NKAIN2: variants seen among roughly 807,000 people sequenced by gnomAD.
NKAIN2 encodes sodium/potassium transporting ATPase interacting 2, also known as sodium/potassium-transporting ATPase subunit beta-1-interacting protein 2.
Under a neutral mutation model 32.6 loss-of-function variants are expected in NKAIN2, and 14 were observed. The ratio of observed to expected loss-of-function variants is 0.43; its 90% CI spans 0.28 to 0.67. The LOEUF is 0.67. NKAIN2 is among the 30% of genes least tolerant of loss of function. The pLI, the probability that NKAIN2 is intolerant of heterozygous loss-of-function variation, is 0.17. For missense variants in NKAIN2, 198 were observed against 258.3 expected, an observed-to-expected ratio of 0.77 and a Z score of 1.60; for synonymous variants, 80 against 87.2, an observed-to-expected ratio of 0.92 and a Z score of 0.46.
intron 6 of NKAIN2, among the ~76,000 whole-genome samples, chr6:124,819,709 T>A (rs1781317182): frequency 6.6e-6 from 1 of 151,954 alleles, no homozygotes; most frequent in South Asian, 2.1e-4. Context: ...TATCAAGGAG[T>A]CCCTATTACC....
intron 1 of NKAIN2, among the ~76,000 whole-genome samples, chr6:124,206,320 T>C (rs947795491): frequency 5.3e-5 from 8 of 152,026 alleles, no homozygotes; most frequent in Non-Finnish European, 8.8e-5. Flanking sequence ...AAAATATATA[T>C]AGCAAAATAA....
At chr6:124,329,490 C>T (rs1472954738) in intron 2 of NKAIN2, among the ~76,000 whole-genome samples, 1 of 152,116 alleles carries the variant, frequency 6.6e-6, no homozygotes, top group Non-Finnish European at 1.5e-5. Context: ...ATGTAGGACC[C>T]CCAGATCCAC....
At chr6:124,250,359 T>C (rs1304790895) in intron 1 of NKAIN2, among the ~76,000 whole-genome samples, 1 of 151,730 alleles carries the variant, frequency 6.6e-6, no homozygotes, top group Non-Finnish European at 1.5e-5. Context: ...CCCAAATAAT[T>C]CAAAGGAGAA....
At chr6:124,672,644 T>G (rs566054848) in intron 4 of NKAIN2, among the ~76,000 whole-genome samples, 2 of 152,142 alleles carry the variant, frequency 1.3e-5, no homozygotes, top group South Asian at 4.1e-4. Flanking sequence ...TTTGGGGCTC[T>G]CTGGAAAAAA....
chr6:124,322,695 C>A (rs928385399), intron 2 of NKAIN2, among the ~76,000 whole-genome samples: 15 of 152,100 alleles, frequency 9.9e-5, no homozygotes, highest in Non-Finnish European at 5.9e-5. Flanking sequence ...TAATTTGAGG[C>A]TGTTACAAAT....
intron 3 of NKAIN2, among the ~76,000 whole-genome samples, chr6:124,388,873 T>C (rs1773026776): frequency 6.6e-6 from 1 of 152,004 alleles, no homozygotes; most frequent in African/African-American, 2.4e-5. Flanking sequence ...ATTTTCCTGA[T>C]TAAAATGGAC....
intron 1 of NKAIN2, among the ~76,000 whole-genome samples, chr6:124,050,155 T>C (rs1218640126): frequency 2.0e-5 from 3 of 151,738 alleles, no homozygotes; most frequent in Middle Eastern, 3.4e-3. Flanking sequence ...TAGTGGCAAA[T>C]AATGAGCCAA....
At chr6:124,219,668 C>T (rs559023459) in intron 1 of NKAIN2, among the ~76,000 whole-genome samples, 4 of 152,048 alleles carry the variant, frequency 2.6e-5, no homozygotes, top group African/African-American at 7.2e-5. Flanking sequence ...ATAAGAAATA[C>T]TATGTTAATC....
At chr6:124,115,289 A>G (rs951263822) in intron 1 of NKAIN2, among the ~76,000 whole-genome samples, 1 of 149,450 alleles carries the variant, frequency 6.7e-6, no homozygotes, top group Non-Finnish European at 1.5e-5. Flanking sequence ...GTTAGTCCTT[A>G]TCTGTATTAA....
chr6:124,310,671 G>T (rs1438020917), intron 2 of NKAIN2, among the ~76,000 whole-genome samples: 2 of 152,100 alleles, frequency 1.3e-5, no homozygotes, highest in Non-Finnish European at 2.9e-5. Context: ...GAAAGTAGCT[G>T]TTCTGCCAAA....
At chr6:124,506,505 G>A (rs1583353548) in intron 3 of NKAIN2, among the ~76,000 whole-genome samples, 1 of 152,288 alleles carries the variant, frequency 6.6e-6, no homozygotes, top group East Asian at 1.9e-4. Flanking sequence ...TGCCAGAATG[G>A]CCCCAATTGA....
At chr6:123,806,075 T>C (rs1300351797) in intron 1 of NKAIN2, among the ~76,000 whole-genome samples, 2 of 152,138 alleles carry the variant, frequency 1.3e-5, no homozygotes, top group African/African-American at 2.4e-5. Flanking sequence ...CTTTGTGTTT[T>C]TATGTGCTCA....
At chr6:124,418,646 C>T (rs523240) in intron 3 of NKAIN2, among the ~76,000 whole-genome samples, 47,450 of 149,522 alleles carry the variant, frequency 0.32, 8,106 homozygotes, top group African/African-American at 0.45. Context: ...AGAACTATCA[C>T]GTAGTGCATG....
chr6:124,493,583 A>G (rs1447430249), intron 3 of NKAIN2, among the ~76,000 whole-genome samples: 1 of 151,844 alleles, frequency 6.6e-6, no homozygotes, highest in African/African-American at 2.4e-5. Flanking sequence ...AGTTGAAACT[A>G]TCTTTTCTTT....
At chr6:124,688,132 AC>A (rs1336838057) in intron 4 of NKAIN2, among the ~76,000 whole-genome samples, 3 of 152,090 alleles carry the variant, frequency 2.0e-5, no homozygotes, top group African/African-American at 7.2e-5. Context: ...CTGTTAATTT[AC>A]TTTTTTTCTG....
At chr6:124,766,605 A>G (rs528462414) in intron 4 of NKAIN2, among the ~76,000 whole-genome samples, 9 of 152,306 alleles carry the variant, frequency 5.9e-5, no homozygotes, top group South Asian at 2.1e-4. Flanking sequence ...CAGAGAACAC[A>G]TGGCCCAGAT....
chr6:124,707,353 C>T (rs1258421518), intron 4 of NKAIN2, among the ~76,000 whole-genome samples: 4 of 151,704 alleles, frequency 2.6e-5, no homozygotes, highest in Admixed American at 2.0e-4. Context: ...TGGGTATATA[C>T]CCAGTAATGG....
intron 1 of NKAIN2, among the ~76,000 whole-genome samples, chr6:124,210,019 A>C (rs891056604): frequency 6.6e-6 from 1 of 151,110 alleles, no homozygotes; most frequent in Non-Finnish European, 1.5e-5. Flanking sequence ...ACAAATCTTC[A>C]TCAATACTTA....
At chr6:124,041,314 G>A (rs988872037) in intron 1 of NKAIN2, among the ~76,000 whole-genome samples, 3 of 151,954 alleles carry the variant, frequency 2.0e-5, no homozygotes, top group Non-Finnish European at 4.4e-5. Flanking sequence ...CCTTATAACT[G>A]TAGTAACAGA....
Sources: gnomAD v4.1 joint callset for allele counts (sites outside exome capture counted in the v4.1 genomes callset) on GRCh38, gnomAD v4.1.1 for gene constraint, MANE v1.5 for transcripts, NCBI Gene and HGNC (gene_info 2026-07-23, HGNC 2026-07-21) for gene names.